ARID3B: variants seen among roughly 807,000 people sequenced by gnomAD.
ARID3B encodes the protein AT-rich interactive domain-containing protein 3B.
In ARID3B, 10 loss-of-function variants were observed where a neutral mutation model predicts 51.9. The ratio of observed to expected loss-of-function variants is 0.19; its 90% CI spans 0.12 to 0.33. The LOEUF is 0.33. ARID3B is among the 10% of genes least tolerant of loss of function. ARID3B has a pLI of 1.00. For missense variants in ARID3B, 483 were observed against 716.3 expected, an observed-to-expected ratio of 0.67 and a Z score of 3.72; for synonymous variants, 205 against 279.5, an observed-to-expected ratio of 0.73 and a Z score of 2.66.
chr15:74,584,687 C>A (rs1232378200), intron 4 of ARID3B, among the ~76,000 whole-genome samples: 2 of 152,234 alleles, frequency 1.3e-5, no homozygotes, highest in African/African-American at 4.8e-5. Context: ...TCTGCCCTCA[C>A]CCCTATCCCC....
intron 2 of ARID3B, among the ~76,000 whole-genome samples, chr15:74,563,588 G>T (rs1405644671): frequency 6.6e-6 from 1 of 152,138 alleles, no homozygotes; most frequent in South Asian, 2.1e-4. Flanking sequence ...GTGTTCTTGT[G>T]CTGGGCTCTC....
chr15:74,567,511 G>A (rs1296292958), intron 2 of ARID3B, among the ~76,000 whole-genome samples: 1 of 151,726 alleles, frequency 6.6e-6, no homozygotes, highest in African/African-American at 2.4e-5. Context: ...GGAAATCTGT[G>A]TTGAATAAAC....
chr15:74,553,006 C>G (rs965282297), intron 2 of ARID3B, among the ~76,000 whole-genome samples: 22 of 152,278 alleles, frequency 1.4e-4, no homozygotes, highest in Middle Eastern at 3.4e-3. Flanking sequence ...TAAGAAACTG[C>G]CCAACTGTGT....
At chr15:74,558,107 C>T (rs1354814977) in intron 2 of ARID3B, among the ~76,000 whole-genome samples, 1 of 151,776 alleles carries the variant, frequency 6.6e-6, no homozygotes. Flanking sequence ...AGGCGTGAGC[C>T]ACGCGCCCGG....
intron 2 of ARID3B, among the ~76,000 whole-genome samples, chr15:74,561,016 C>T (rs1015247049): frequency 7.2e-5 from 11 of 152,158 alleles, no homozygotes; most frequent in Admixed American, 7.2e-4. Context: ...AACTCCTGGG[C>T]TCAAGCAATC....
chr15:74,561,845 A>G (rs1006812631), intron 2 of ARID3B, among the ~76,000 whole-genome samples: 3 of 152,228 alleles, frequency 2.0e-5, no homozygotes, highest in African/African-American at 7.2e-5. Context: ...AACTACTTCA[A>G]GTACCCATAC....
chr15:74,559,011 G>A (rs1253855063), intron 2 of ARID3B, among the ~76,000 whole-genome samples: 1 of 152,200 alleles, frequency 6.6e-6, no homozygotes, highest in African/African-American at 2.4e-5. Context: ...CTGGTGGGCA[G>A]TGTTTTTAGG....
intron 2 of ARID3B, among the ~76,000 whole-genome samples, chr15:74,563,021 T>C (rs2061684514): frequency 6.6e-6 from 1 of 152,326 alleles, no homozygotes; most frequent in East Asian, 1.9e-4. Flanking sequence ...GTTCTGATTT[T>C]CCCCCCAGAT....
At chr15:74,564,738 C>T (rs2061691697) in intron 2 of ARID3B, among the ~76,000 whole-genome samples, 1 of 152,086 alleles carries the variant, frequency 6.6e-6, no homozygotes, top group South Asian at 2.1e-4. Context: ...GTAGCTTGGA[C>T]TACAGGCACA....
At chr15:74,581,918 G>A (rs552135278) in intron 4 of ARID3B, among the ~76,000 whole-genome samples, 14 of 152,328 alleles carry the variant, frequency 9.2e-5, no homozygotes, top group African/African-American at 3.4e-4. Context: ...TGTTTGGCCT[G>A]CTTACACCAT....
intron 4 of ARID3B, among the ~76,000 whole-genome samples, chr15:74,580,377 A>G (rs530825101): frequency 6.6e-6 from 1 of 152,328 alleles, no homozygotes; most frequent in Admixed American, 6.5e-5. Flanking sequence ...GGCTATTATA[A>G]ACAATTTCAT....
intron 2 of ARID3B, among the ~76,000 whole-genome samples, chr15:74,554,401 C>A (rs183358338): frequency 1.6e-4 from 24 of 152,260 alleles, no homozygotes; most frequent in Admixed American, 1.5e-3. Flanking sequence ...CTCCCGGGCT[C>A]AAGCAGCCCT....
At chr15:74,545,040 C>T (rs1486518946) in intron 2 of ARID3B, among the ~76,000 whole-genome samples, 2 of 152,148 alleles carry the variant, frequency 1.3e-5, no homozygotes, top group Non-Finnish European at 2.9e-5. Flanking sequence ...GAAAGAATGT[C>T]AATACAATCT....
chr15:74,587,976 T>A (rs1198082009), intron 4 of ARID3B, among the ~76,000 whole-genome samples: 1 of 152,180 alleles, frequency 6.6e-6, no homozygotes, highest in Non-Finnish European at 1.5e-5. Flanking sequence ...GTGCTGTGGC[T>A]CACGCTGCAG....
chr15:74,580,054 G>A (rs2061755088), intron 4 of ARID3B, among the ~76,000 whole-genome samples: 1 of 152,164 alleles, frequency 6.6e-6, no homozygotes, highest in Non-Finnish European at 1.5e-5. Context: ...AACCAGGCAT[G>A]GTGGCACATG....
intron 2 of ARID3B, among the ~76,000 whole-genome samples, chr15:74,563,563 A>G (rs1306010015): frequency 2.6e-5 from 4 of 152,198 alleles, no homozygotes; most frequent in Non-Finnish European, 4.4e-5. Flanking sequence ...TTCTGTCACC[A>G]GCGGGTCCAT....
intron 8 of ARID3B, 112 bp downstream of exon 8, chr15:74,593,348 C>T (rs1193262988): frequency 2.1e-6 from 2 of 955,542 alleles, no homozygotes; most frequent in Admixed American, 2.3e-5. Flanking sequence ...ACAGTGGCTT[C>T]CTTTTTCCTG....
At chr15:74,584,145 G>A (rs759763749) in intron 4 of ARID3B, among the ~76,000 whole-genome samples, 2 of 152,184 alleles carry the variant, frequency 1.3e-5, no homozygotes, top group African/African-American at 2.4e-5. Flanking sequence ...TGTCGCCCAG[G>A]TTGTATGCAT....
In ARID3B at chr15:74,595,737, C is replaced by A. The variant is rs188590703; in HGVS notation, c.1646C>A (p.Thr549Asn). The A allele has an allele frequency of 3.7e-6, 6 of 1,610,688 alleles. No homozygotes were observed. The South Asian group carries it at 6.6e-5, about 18-fold the overall frequency. Residue 549 changes from threonine (T) to asparagine (N), a missense_variant, in exon 9 of 9, where the codon ACC (threonine) becomes AAC (asparagine). By Grantham distance (65) the Thr-to-Asn change is moderately conservative. Transcript: ENST00000346246. ...CSPSPTSSRG[T>N]PSAEPSTSWS... is the part of the protein sequence containing the mutation. The stretch of plus-strand genomic sequence containing the variant: ...CCAAGTCCTACCTCATCCCGGGGCA[C>A]CCCCAGCGCAGAGCCCTCCACCAGC...
Sources: gnomAD v4.1 joint callset for allele counts (sites outside exome capture counted in the v4.1 genomes callset) on GRCh38, gnomAD v4.1.1 for gene constraint, MANE v1.5 for transcripts, NCBI Gene and HGNC (gene_info 2026-07-23, HGNC 2026-07-21) for gene names.